CROCC2: variants seen among roughly 807,000 people sequenced by gnomAD.
CROCC2 encodes ciliary rootlet coiled-coil, rootletin family member 2.
A neutral mutation model predicts 177.6 loss-of-function variants in CROCC2; 163 were observed. That is an observed-to-expected ratio of 0.92 (90% confidence interval 0.81 to 1.05). The LOEUF (loss-of-function observed/expected upper bound fraction) is 1.05, where lower values mean the gene tolerates loss of function less well. CROCC2 is among the 50% of genes least tolerant of loss of function. The pLI is 0.00. For missense variants in CROCC2, 1,929 were observed against 1,797.8 expected, an observed-to-expected ratio of 1.07 and a Z score of -1.32; for synonymous variants, 904 against 787.3, an observed-to-expected ratio of 1.15 and a Z score of -2.48.
intron 5 of CROCC2, among the ~76,000 whole-genome samples, chr2:240,927,645 C>G (rs1336471118): frequency 6.6e-6 from 1 of 152,096 alleles, no homozygotes; most frequent in Non-Finnish European, 1.5e-5. Flanking sequence ...TTACTCTTAA[C>G]TCACATTTTC....
At chr2:240,965,009 G>A (rs2059670087) in intron 22 of CROCC2, among the ~76,000 whole-genome samples, 1 of 152,186 alleles carries the variant, frequency 6.6e-6, no homozygotes, top group Non-Finnish European at 1.5e-5. Flanking sequence ...GCCTCTGCAG[G>A]GCAGGGTGCT....
rs1272450481 is a variant in CROCC2 at position 240,940,721 on chromosome 2, C to T, written c.2169+5133C>T. On this transcript the variant is annotated intron_variant, in intron 14 of 31. Coordinates refer to ENST00000690015, the MANE Select transcript of CROCC2 (RefSeq NM_001351305.2). ...TTAAGGTAATAAAAGCCATCTATGACAAACCCATAGCCAACATTACAGTGA... is the reference window on the plus strand; with the variant it reads ...TTAAGGTAATAAAAGCCATCTATGATAAACCCATAGCCAACATTACAGTGA... Among the ~76,000 whole-genome samples the T allele has an allele frequency of 2.6e-5, 4 of 152,266 alleles. No homozygotes were observed. In the East Asian group the frequency reaches 5.8e-4, roughly 22 times the overall value.
Position 240,962,104 on chromosome 2 carries a change from C to T in CROCC2, c.3088-1452C>T, listed in dbSNP as rs989146634. Among the ~76,000 whole-genome samples the T allele has an allele frequency of 7.5e-4, 114 of 151,782 alleles. 1 individual carries two copies. Among genetic ancestry groups the T allele is most frequent in the African/African-American group, 2.6e-3 (106 of 41,200 alleles). ...CTCACACACACACACACACTCTCAC[C>T]CTCCCCTGCTTTCCCTCCACAGCCC... On this transcript the variant is annotated intron_variant, in intron 20 of 31. Transcript: ENST00000690015.
chr2:240,976,318 C>A (rs1339712619), intron 27 of CROCC2, among the ~76,000 whole-genome samples: 1 of 107,030 alleles, frequency 9.3e-6, no homozygotes, highest in Non-Finnish European at 2.0e-5. Context: ...AGCCCAGGCT[C>A]ATCCCTGCTC....
intron 3 of CROCC2, among the ~76,000 whole-genome samples, chr2:240,920,614 C>A (rs892671403): frequency 6.6e-6 from 1 of 152,236 alleles, no homozygotes; most frequent in Admixed American, 6.5e-5. Flanking sequence ...TGGCCCTTTT[C>A]TGACAACTGA....
chr2:240,965,353 C>A (rs924912165), intron 22 of CROCC2, 28 bp from the exon 23 acceptor site: 192 of 1,548,102 alleles, frequency 1.2e-4, no homozygotes, highest in Non-Finnish European at 1.6e-4. Context: ...AGACCAGTGA[C>A]CCTGTCCGTG....
chr2:240,949,043 G>A lies in CROCC2; in HGVS notation c.2428G>A (p.Glu810Lys), dbSNP rs544725550. ...CCAACAGCTGGCCACAAAGCTGCAG[G>A]AGCAGCTGGAGGAGGAAGCCCGGAG... Reference protein sequence around the residue: ...EAQQLATKLQEQLEEEARSAG... With the variant: ...EAQQLATKLQKQLEEEARSAG... The change falls in exon 16 of 32, where the codon GAG becomes AAG. Residue 810 changes from glutamate to lysine, a missense_variant. By Grantham distance (56) the Glu-to-Lys change is moderately conservative (BLOSUM62 1). Coordinates refer to ENST00000690015, the MANE Select transcript of CROCC2 (RefSeq NM_001351305.2). The surrounding 1 kb of genome is among the most constrained non-coding windows in gnomAD (Gnocchi z 4.5). The A allele has an allele frequency of 2.0e-5, 31 of 1,549,648 alleles. No individual in the cohort carries two copies. The Admixed American group carries it at 2.6e-4, about 13-fold the overall frequency.
chr2:240,971,981 C>T (rs2106483603), intron 27 of CROCC2, among the ~76,000 whole-genome samples: 1 of 152,260 alleles, frequency 6.6e-6, no homozygotes, highest in South Asian at 2.1e-4. Flanking sequence ...AAGACCCCTG[C>T]CCTGTCCTCA....
Position 240,931,033 on chromosome 2 carries a change from G to C in CROCC2, c.852G>C (p.Thr284=), listed in dbSNP as rs1466534850. Residue 284 remains threonine (T), a synonymous_variant, in exon 7 of 32, where the codon ACG becomes ACC. Transcript: ENST00000690015. Reference sequence around the variant, plus strand: ...ACCTGCGGCTGTCGGCCAGCAGCACGGCCAGCACCCTGGGGCAGCAGCTTC... The same window carrying C: ...ACCTGCGGCTGTCGGCCAGCAGCACCGCCAGCACCCTGGGGCAGCAGCTTC... ...DSNLRLSASS[T]ASTLGQQLRD... is the part of the protein sequence containing the mutation. 2 of 716,562 alleles carry C rather than the reference G, an allele frequency of 2.8e-6. No homozygotes were observed. Among genetic ancestry groups the C allele is most frequent in the African/African-American group, 3.5e-5 (2 of 57,250 alleles). The allele number at this position is 716,562 out of a possible 1,614,324, so 44.4% of individuals were successfully genotyped here. A position where few individuals can be genotyped will look rare whatever the true frequency, so the allele number is the denominator to read the frequency against.
In CROCC2 at chr2:240,934,340, C is replaced by T; in HGVS notation, c.1656C>T (p.Arg552=). 6.5e-7 allele frequency: 1 copy of T among 1,548,440 alleles called. No homozygotes were observed. ...TGGTCTGGGGCCTCAGTCAAGGCCG[C>T]CTGCAGCAGCTGGAGGAGAAGGTCT... ...SCRALETSQG[R]LQQLEEKVSG... is the part of the protein sequence containing the mutation. The change falls in exon 12 of 32, where the codon CGC becomes CGT. Residue 552 remains arginine (R), a synonymous_variant. Coordinates refer to ENST00000690015, the MANE Select transcript of CROCC2 (RefSeq NM_001351305.2).
In CROCC2 at chr2:240,966,433, G is replaced by A. The variant is rs939139881; in HGVS notation, c.4146+24G>A. 20 of 400,022 alleles carry A rather than the reference G, an allele frequency of 5.0e-5. 1 individual carries two copies. In the South Asian group the frequency reaches 5.0e-4, roughly 10 times the overall value. The allele number at this position is 400,022 out of a possible 1,614,324, so 24.8% of individuals were successfully genotyped here. On this transcript the variant is annotated intron_variant, in intron 25 of 31. Transcript: ENST00000690015. Reference sequence around the variant, plus strand: ...GGGTAATGGGGGCTGGGGTCCTCCCGCCCACGGCGGCACCCCCCGGGGGTC... The same window carrying A: ...GGGTAATGGGGGCTGGGGTCCTCCCACCCACGGCGGCACCCCCCGGGGGTC...
chr2:240,946,530 G>A (rs1163064973), intron 15 of CROCC2, among the ~76,000 whole-genome samples: 1 of 152,186 alleles, frequency 6.6e-6, no homozygotes, highest in Non-Finnish European at 1.5e-5. Context: ...GGCAGATGTG[G>A]AATGTCTTGC....
chr2:240,913,575 C>T (rs898926154), intron 1 of CROCC2, among the ~76,000 whole-genome samples: 1 of 152,204 alleles, frequency 6.6e-6, no homozygotes, highest in African/African-American at 2.4e-5. Context: ...TGTCTCTCCC[C>T]ATCCACAATC....
rs759285998 is a variant in CROCC2, at chr2:240,955,932, G to A, written c.2903G>A (p.Arg968Gln). 1.4e-5 allele frequency: 21 copies of A among 1,534,696 alleles called. No individual in the cohort carries two copies. The highest frequency in any genetic ancestry group is 1.2e-4 in the South Asian group (10 of 83,970). ...TCCAGGGCCAGGAGGACGCTAGAGC[G>A]GGTACAGCAGGAGGCACAGAGCCAG... is the stretch of plus-strand genomic sequence containing the variant. Reference protein sequence around the residue: ...ELSRARRTLERVQQEAQSQQE... With the variant: ...ELSRARRTLEQVQQEAQSQQE... Residue 968 changes from arginine (R) to glutamine (Q), a missense_variant, in exon 19 of 32, where the codon CGG becomes CAG. This residue lies in a region of CROCC2 where 1,397 missense variants were observed against 1,239.9 expected (regional missense o/e 1.13). Coordinates refer to ENST00000690015, the MANE Select transcript of CROCC2 (RefSeq NM_001351305.2).
Position 240,972,067 on chromosome 2 carries a change from C to G in CROCC2, c.4401+3805C>G, listed in dbSNP as rs2059724744. On this transcript the variant is annotated intron_variant, in intron 27 of 31. Coordinates refer to ENST00000690015, the MANE Select transcript of CROCC2 (RefSeq NM_001351305.2). The surrounding 1 kb of genome is among the most constrained non-coding windows in gnomAD (Gnocchi z 7.1). Reference sequence around the variant, plus strand: ...TCTGTTTAATTAGAGACTCTCAGATCTGATTCCTCAGATCGACTTTATTTT... The same window carrying G: ...TCTGTTTAATTAGAGACTCTCAGATGTGATTCCTCAGATCGACTTTATTTT... Among the ~76,000 whole-genome samples the G allele has an allele frequency of 6.6e-6, 1 of 152,172 alleles. No homozygotes were observed. The highest frequency in any genetic ancestry group is 2.4e-5 in the African/African-American group (1 of 41,436).
chr2:240,950,682 T>C, intron 18 of CROCC2, 172 bp downstream of exon 18: 1 of 628,916 alleles, frequency 1.6e-6, no homozygotes, highest in Non-Finnish European at 2.7e-6. Context: ...CACCTATCTG[T>C]TCATCCAGCC....
In CROCC2 at chr2:240,968,114, C is replaced by A; in HGVS notation, c.4268-15C>A. The A allele has an allele frequency of 7.0e-7, 1 of 1,426,522 alleles. No homozygotes were observed. Among genetic ancestry groups the A allele is most frequent in the Non-Finnish European group, 9.2e-7 (1 of 1,091,288 alleles). 88.4% of individuals were successfully genotyped at this position (1,426,522 alleles called of 1,614,324 possible). A position where few individuals can be genotyped will look rare whatever the true frequency, so the allele number is the denominator to read the frequency against. ...GGGCATGGGGGCCCCTCAAGCCACC[C>A]TGCTTGCCCCACAGGCCAGCGCCGG... On this transcript the variant is annotated splice_polypyrimidine_tract_variant and intron_variant, in intron 26 of 31. Coordinates refer to ENST00000690015, the MANE Select transcript of CROCC2 (RefSeq NM_001351305.2).
chr2:240,972,181 T>C lies in CROCC2; in HGVS notation c.4401+3919T>C, dbSNP rs1415163589. Among the ~76,000 whole-genome samples the C allele has an allele frequency of 6.6e-6, 1 of 152,014 alleles. No individual in the cohort carries two copies. The highest frequency in any genetic ancestry group is 1.5e-5 in the Non-Finnish European group (1 of 68,010). ...TTCTGGCCTCGTTTGAAGTTGGGAG[T>C]GGAGAGGAACCCATCAGGGACTTTA... On this transcript the variant is annotated intron_variant, in intron 27 of 31. Transcript: ENST00000690015. This position sits in a 1 kb window ranked among gnomAD's most constrained non-coding sequence, Gnocchi z 7.1.
At chr2:240,938,191 A>G (rs1019837443) in intron 14 of CROCC2, among the ~76,000 whole-genome samples, 4 of 152,216 alleles carry the variant, frequency 2.6e-5, no homozygotes, top group African/African-American at 9.6e-5. Context: ...GGGGCCCAGA[A>G]ATCTGGATTT....
Sources: allele counts gnomAD v4.1 joint callset (sites outside exome capture counted in the v4.1 genomes callset), GRCh38; gene constraint gnomAD v4.1.1; regional missense constraint gnomAD v4.1.1; non-coding constraint Gnocchi (gnomAD v3.1); transcripts MANE v1.5; gene names NCBI Gene and HGNC (gene_info 2026-07-23, HGNC 2026-07-21).